Variants in SAMMSON observed in about 807,000 individuals in gnomAD.
SAMMSON encodes the protein survival associated mitochondrial melanoma specific oncogenic non-coding RNA, also known as long intergenic non-protein coding RNA 1212.
chr3:70,033,048 A>G (rs967210197), intron 3 of SAMMSON, among the ~76,000 whole-genome samples: 1 of 152,104 alleles, frequency 6.6e-6, no homozygotes, highest in African/African-American at 2.4e-5. Context: ...AAGATCTGGA[A>G]GTATAAAGTG....
intron 4 of SAMMSON, among the ~76,000 whole-genome samples, chr3:70,164,070 C>T (rs2067626892): frequency 6.6e-6 from 1 of 151,958 alleles, no homozygotes; most frequent in African/African-American, 2.4e-5. Context: ...GTCCATTGGC[C>T]TTGCAGTGAT....
chr3:70,384,008 A>G (rs1380210057), intron 9 of SAMMSON, among the ~76,000 whole-genome samples: 3 of 151,856 alleles, frequency 2.0e-5, no homozygotes, highest in Non-Finnish European at 2.9e-5. Flanking sequence ...CTTGGTGGGG[A>G]GTGAAATGAC....
intron 4 of SAMMSON, chr3:70,126,191 C>A: frequency 9.0e-7 from 1 of 1,110,588 alleles, no homozygotes; most frequent in Non-Finnish European, 1.3e-6. Context: ...GGTGTAATTA[C>A]ATTTTCTACT....
Position 70,199,820 on chromosome 3 carries a change from G to T in SAMMSON, n.508-49287G>T, listed in dbSNP as rs149381142. 3.6e-3 allele frequency among the ~76,000 whole-genome samples: 551 copies of T among 152,150 alleles called. 1 individual carries two copies. Among genetic ancestry groups the T allele is most frequent in the African/African-American group, 0.012 (494 of 41,528 alleles). On this transcript the variant is annotated intron_variant and non_coding_transcript_variant, in intron 4 of 9. Coordinates refer to ENST00000642114, the Ensembl canonical transcript of SAMMSON. Reference sequence around the variant, plus strand: ...TATTCAAAGTCCTATCCCAGGATTCGCACCCCTTCTCTCAGCCCATCCAAA... The same window carrying T: ...TATTCAAAGTCCTATCCCAGGATTCTCACCCCTTCTCTCAGCCCATCCAAA...
chr3:70,217,331 C>T (rs1057463773), intron 4 of SAMMSON, among the ~76,000 whole-genome samples: 2 of 152,074 alleles, frequency 1.3e-5, no homozygotes, highest in African/African-American at 4.8e-5. Context: ...GCATTGTTGT[C>T]ATGATTTTAA....
chr3:70,417,980 C>T (rs1701279481), intron 2 of SAMMSON, among the ~76,000 whole-genome samples: 1 of 152,196 alleles, frequency 6.6e-6, no homozygotes, highest in Non-Finnish European at 1.5e-5. Context: ...GGAAGAGACA[C>T]TGTGGGAGCT....
At chr3:70,302,627 AT>A (rs1325275952) in intron 7 of SAMMSON, 2 of 152,120 alleles carry the variant, frequency 1.3e-5, no homozygotes, top group Non-Finnish European at 2.9e-5. Flanking sequence ...GGACTGGAGG[AT>A]TGGTTCCTGG....
intron 2 of SAMMSON, among the ~76,000 whole-genome samples, chr3:70,434,269 AT>A (rs1701439550): frequency 6.6e-6 from 1 of 152,136 alleles, no homozygotes; most frequent in African/African-American, 2.4e-5. Flanking sequence ...TATATGGAGT[AT>A]TTTTTCTTAT....
intron 3 of SAMMSON, among the ~76,000 whole-genome samples, chr3:70,033,932 C>G (rs1194524358): frequency 1.3e-5 from 2 of 152,204 alleles, no homozygotes; most frequent in Non-Finnish European, 2.9e-5. Context: ...CACGCAAAAT[C>G]TGAACAGTGT....
At chr3:70,402,794 G>A (rs551683417) in intron 2 of SAMMSON, among the ~76,000 whole-genome samples, 8 of 152,094 alleles carry the variant, frequency 5.3e-5, no homozygotes, top group East Asian at 3.9e-4. Flanking sequence ...CCCAGGAGGC[G>A]GAGGTTGCAA....
downstream of SAMMSON, among the ~76,000 whole-genome samples, chr3:70,392,056 T>TA (rs1347431862): frequency 6.6e-6 from 1 of 152,152 alleles, no homozygotes; most frequent in Non-Finnish European, 1.5e-5. Context: ...TAGAAGGGGA[T>TA]GGGTACCCCG....
chr3:70,324,455 T>C (rs1306083067), intron 7 of SAMMSON, among the ~76,000 whole-genome samples: 1 of 67,588 alleles, frequency 1.5e-5, no homozygotes, highest in East Asian at 3.0e-4. Flanking sequence ...CGTGGTCAAA[T>C]ATATTTGAGA....
intron 4 of SAMMSON, among the ~76,000 whole-genome samples, chr3:70,169,302 A>G (rs530962513): frequency 6.6e-6 from 1 of 152,186 alleles, no homozygotes; most frequent in South Asian, 2.1e-4. Context: ...GAAGTCATTG[A>G]GTGAAGGCTA....
chr3:70,326,583 A>C (rs145299430), intron 7 of SAMMSON, among the ~76,000 whole-genome samples: 278 of 152,262 alleles, frequency 1.8e-3, no homozygotes, highest in Non-Finnish European at 2.4e-3. Context: ...TCCAGTGGCC[A>C]TCTCTTATAT....
At chr3:70,112,335 A>G (rs1325678395) in intron 4 of SAMMSON, among the ~76,000 whole-genome samples, 1 of 152,154 alleles carries the variant, frequency 6.6e-6, no homozygotes, top group Non-Finnish European at 1.5e-5. Context: ...CTACAAATCT[A>G]CTATGCAGCA....
chr3:70,254,191 A>G (rs76688410), intron 6 of SAMMSON, among the ~76,000 whole-genome samples: 50 of 152,300 alleles, frequency 3.3e-4, no homozygotes, highest in South Asian at 8.3e-4. Flanking sequence ...ATAAAACATT[A>G]GTGTCAATTG....
chr3:70,100,533 G>GAAAAAGAA (rs143471172), intron 4 of SAMMSON, among the ~76,000 whole-genome samples: 1 of 149,348 alleles, frequency 6.7e-6, no homozygotes, highest in African/African-American at 2.5e-5. Flanking sequence ...GGGGGGGGGG[G>GAAAAAGAA]AAGCACCAAA....
chr3:70,200,121 C>T (rs570662126), intron 4 of SAMMSON, among the ~76,000 whole-genome samples: 86 of 152,256 alleles, frequency 5.6e-4, no homozygotes, highest in Non-Finnish European at 5.3e-4. Flanking sequence ...AATTCGTATT[C>T]GAAATCCACA....
intron 6 of SAMMSON, among the ~76,000 whole-genome samples, chr3:70,285,258 C>A (rs1453300309): frequency 2.2e-5 from 3 of 137,302 alleles, no homozygotes; most frequent in Admixed American, 8.2e-5. Flanking sequence ...CTTCCTGTGT[C>A]CATGTGTTCT....
Sources: allele counts gnomAD v4.1 joint callset (sites outside exome capture counted in the v4.1 genomes callset), GRCh38; gene constraint gnomAD v4.1.1; transcripts MANE v1.5; gene names NCBI Gene and HGNC (gene_info 2026-07-23, HGNC 2026-07-21).